The following ELN variants were observed in gnomAD, a reference collection of about 807,000 sequenced individuals.
The protein encoded by ELN is elastin.
ELN carries 65 observed loss-of-function variants against 105.8 expected under a neutral mutation model. The observed-to-expected ratio is 0.61, with a 90% CI of 0.50 to 0.75. ELN has a LOEUF of 0.75. Among genes scored for constraint, ELN ranks in the 30% least tolerant of loss-of-function variants. ELN has a pLI of 0.00. For missense variants in ELN, 882 were observed against 969.4 expected (o/e 0.91, Z 1.20); for synonymous variants, 368 against 389.2 (o/e 0.95, Z 0.64).
chr7:74,028,611 G>T (rs1787965458), intron 1 of ELN, among the ~76,000 whole-genome samples: 1 of 152,162 alleles, frequency 6.6e-6, no homozygotes, highest in Admixed American at 6.5e-5. Flanking sequence ...GGAACCCCTG[G>T]GTCTGGAGAC....
At chr7:74,061,933 C>A (rs1796773337) in intron 26 of ELN, among the ~76,000 whole-genome samples, 1 of 152,158 alleles carries the variant, frequency 6.6e-6, no homozygotes, top group South Asian at 2.1e-4. Context: ...GCTCTCTGGC[C>A]CGAGCAAAGG....
At chr7:74,041,116 C>A (rs1554668157) in intron 4 of ELN, 100 bp from the exon 5 acceptor site, 9 of 1,503,422 alleles carry the variant, frequency 6.0e-6, no homozygotes, top group Non-Finnish European at 8.3e-6. Context: ...GCCTAGGGAC[C>A]TGAGTGGCTG....
At chr7:74,043,819 T>TGGGGAGGGGGG in intron 8 of ELN, 60 bp from the exon 9 acceptor site, 1 of 1,561,904 alleles carries the variant, frequency 6.4e-7, no homozygotes. Flanking sequence ...TGGGAAGGGC[T>TGGGGAGGGGGG]GGGGAGGGGT....
At chr7:74,052,873 G>GAA (rs1794391156) in intron 17 of ELN, 3 of 255,582 alleles carry the variant, frequency 1.2e-5, no homozygotes, top group East Asian at 8.4e-5. Flanking sequence ...AAGAAAGAAA[G>GAA]AGAGAGAGAG....
Position 74,063,050 on chromosome 7 carries a change from G to A in ELN, c.1787-103G>A. Reference sequence around the variant, plus strand: ...ACTTCCTGTCCACTGCTCCTCCACAGTGTCACATGGCCCCTGCCACCTGTC... The same window carrying A: ...ACTTCCTGTCCACTGCTCCTCCACAATGTCACATGGCCCCTGCCACCTGTC... On this transcript the variant is annotated intron_variant, in intron 26 of 32. Coordinates refer to ENST00000252034, the MANE Select transcript of ELN (RefSeq NM_000501.4). This position sits in a 1 kb window ranked among gnomAD's most constrained non-coding sequence, Gnocchi z 4.1. 1 of 1,407,770 alleles carries A rather than the reference G, an allele frequency of 7.1e-7. No homozygotes were observed. Among genetic ancestry groups the A allele is most frequent in the Non-Finnish European group, 9.7e-7 (1 of 1,026,310 alleles). 87.2% of individuals were successfully genotyped at this position (1,407,770 alleles called of 1,614,324 possible).
At position 74,060,167 on chromosome 7, in the gene ELN, C is replaced by A; in HGVS notation, c.1604C>A (p.Ala535Asp). 1 of 1,614,134 alleles carries A rather than the reference C, an allele frequency of 6.2e-7. No individual in the cohort carries two copies. The highest frequency in any genetic ancestry group is 8.5e-7 in the Non-Finnish European group (1 of 1,180,044). ...GCAGCAAAATCCGCTGCCAAGGTGG[C>A]TGCCAAAGCCCAGCTCCGTGAGTGC... ...AAAAKSAAKVAAKAQLRAAAG... is the reference protein window; with the variant it reads ...AAAAKSAAKVDAKAQLRAAAG... Residue 535 changes from alanine to aspartate, a missense_variant, in exon 24 of 33, where the codon GCT becomes GAT. Physicochemically the swap from Ala to Asp is moderately radical, Grantham distance 126 (BLOSUM62 -2). Transcript: ENST00000252034.
intron 8 of ELN, chr7:74,043,468 T>C: frequency 2.9e-6 from 2 of 692,416 alleles, no homozygotes; most frequent in East Asian, 5.5e-5. Context: ...TGGAAGGGCC[T>C]GCAGCGAGTC....
intron 15 of ELN, among the ~76,000 whole-genome samples, chr7:74,051,423 A>C (rs1554675903): frequency 6.6e-6 from 1 of 152,222 alleles, no homozygotes; most frequent in Non-Finnish European, 1.5e-5. Context: ...GAACACAGGG[A>C]GAGGAAGTCT....
intron 1 of ELN, among the ~76,000 whole-genome samples, chr7:74,033,761 C>T (rs981385363): frequency 6.6e-6 from 1 of 152,256 alleles, no homozygotes; most frequent in Non-Finnish European, 1.5e-5. Flanking sequence ...CGAGGCCTCC[C>T]TGGACACATT....
chr7:74,043,992 T>A, intron 9 of ELN, 72 bp downstream of exon 9: 1 of 1,585,566 alleles, frequency 6.3e-7, no homozygotes, highest in South Asian at 1.1e-5. Context: ...ATGCCTATAA[T>A]CCCATTGCTT....
rs1794150848 is a variant in ELN at position 74,051,971 on chromosome 7, G to T, written c.937G>T (p.Ala313Ser). The change falls in exon 17 of 33, where the codon GCA (alanine) becomes TCA (serine). Residue 313 changes from alanine to serine, a missense_variant. Transcript: ENST00000252034. ...TGCAGCTGCAGCAGCAGCCGCTAAG[G>T]CAGCCAAGTATGGTGAGTGCCTCCC... ...AAAAAAAAAK[A>S]AKYGAAAGLV... The T allele has an allele frequency of 1.2e-6, 2 of 1,613,578 alleles. No homozygotes were observed. The highest frequency in any genetic ancestry group is 4.5e-5 in the East Asian group (2 of 44,874).
chr7:74,049,691 T>G (rs1436867517), intron 15 of ELN, among the ~76,000 whole-genome samples: 7 of 150,248 alleles, frequency 4.7e-5, no homozygotes, highest in Non-Finnish European at 8.9e-5. Flanking sequence ...CATTCATCCT[T>G]CCATCCATCC....
chr7:74,059,614 G>T, intron 22 of ELN: 1 of 560,606 alleles, frequency 1.8e-6, no homozygotes, highest in East Asian at 3.1e-5. Context: ...AACTCGGGAG[G>T]TGGTGGTTGC....
chr7:74,036,687 G>A (rs1790031897), intron 3 of ELN, 103 bp downstream of exon 3: 2 of 1,524,990 alleles, frequency 1.3e-6, no homozygotes, highest in Admixed American at 1.7e-5. Context: ...CGAGCATCAA[G>A]GACTCCCTCA....
chr7:74,066,890 C>A (rs1164730024), intron 32 of ELN, 114 bp downstream of exon 32: 2 of 1,157,786 alleles, frequency 1.7e-6, no homozygotes, highest in African/African-American at 3.1e-5. Flanking sequence ...GGGGTGGACC[C>A]CACAGCCTCA....
In ELN at chr7:74,047,698, A is replaced by G. The variant is rs1554673387; in HGVS notation, c.667A>G (p.Thr223Ala). The G allele has an allele frequency of 1.2e-6, 2 of 1,614,162 alleles. No homozygotes were observed. The highest frequency in any genetic ancestry group is 1.1e-5 in the South Asian group (1 of 91,080). ...AGGTGGCTATGGACTGCCCTACACC[A>G]CAGGGAAACTGCCCTATGGTGAGTG... ...LPGGYGLPYT[T>A]GKLPYGYGPG... The change falls in exon 13 of 33, where the codon ACA (threonine) becomes GCA (alanine). Residue 223 changes from threonine (T) to alanine (A), a missense_variant. By Grantham distance (58) the Thr-to-Ala change is moderately conservative. Coordinates refer to ENST00000252034, the MANE Select transcript of ELN (RefSeq NM_000501.4).
At chr7:74,037,041 G>C (rs181254326) in intron 3 of ELN, among the ~76,000 whole-genome samples, 2 of 148,722 alleles carry the variant, frequency 1.3e-5, no homozygotes, top group Admixed American at 1.3e-4. Context: ...GGCTGGTCTC[G>C]AACTCCCAAC....
intron 13 of ELN, 101 bp downstream of exon 13, chr7:74,047,817 G>A (rs1375329004): frequency 1.2e-5 from 18 of 1,540,042 alleles, no homozygotes; most frequent in East Asian, 4.5e-5. Flanking sequence ...AGAGCACCTC[G>A]CTGGGGCAGG....
intron 31 of ELN, 105 bp downstream of exon 31, chr7:74,066,102 A>G (rs904170342): frequency 6.5e-7 from 1 of 1,534,070 alleles, no homozygotes; most frequent in Non-Finnish European, 9.0e-7. Flanking sequence ...CCACACAAGG[A>G]CAGGAGACTG....
Sources: gnomAD v4.1 joint callset for allele counts (sites outside exome capture counted in the v4.1 genomes callset) on GRCh38, gnomAD v4.1.1 for gene constraint, Gnocchi (gnomAD v3.1) non-coding constraint, MANE v1.5 for transcripts, NCBI Gene and HGNC (gene_info 2026-07-23, HGNC 2026-07-21) for gene names.